The following THSD7B variants were observed in gnomAD, a reference collection of about 807,000 sequenced individuals.
THSD7B encodes the protein thrombospondin type 1 domain containing 7B.
In THSD7B, 138 loss-of-function variants were observed where a neutral mutation model predicts 213.6. The observed-to-expected ratio is 0.65, with a 90% CI of 0.56 to 0.74. The LOEUF is 0.74. Among genes scored for constraint, THSD7B ranks in the 30% least tolerant of loss-of-function variants. The pLI is 0.00. For missense variants in THSD7B, 1,931 were observed against 1,991.5 expected (o/e 0.97, Z 0.58); for synonymous variants, 742 against 687.0 (o/e 1.08, Z -1.25).
chr2:136,828,740 G>C (rs998965761), intron 1 of THSD7B, among the ~76,000 whole-genome samples: 1 of 152,302 alleles, frequency 6.6e-6, no homozygotes, highest in East Asian at 1.9e-4. Flanking sequence ...TGCCTCGTTT[G>C]TTTCACCTGG....
intron 2 of THSD7B, among the ~76,000 whole-genome samples, chr2:136,946,386 G>A (rs991386312): frequency 6.6e-6 from 1 of 152,138 alleles, no homozygotes; most frequent in African/African-American, 2.4e-5. Context: ...CCTGTATGAC[G>A]TGTCAGTCAG....
intron 3 of THSD7B, among the ~76,000 whole-genome samples, chr2:137,088,278 G>T (rs1687881465): frequency 6.6e-6 from 1 of 151,324 alleles, no homozygotes; most frequent in African/African-American, 2.4e-5. Context: ...TTTAAAAAAA[G>T]GTGCATAGAC....
At chr2:136,897,363 T>C (rs896822075) in intron 2 of THSD7B, among the ~76,000 whole-genome samples, 5 of 152,128 alleles carry the variant, frequency 3.3e-5, no homozygotes, top group East Asian at 1.9e-4. Flanking sequence ...GGTGGGCTCG[T>C]GGTCTCGCTG....
intron 6 of THSD7B, 106 bp from the exon 7 acceptor site, chr2:137,170,635 A>G: frequency 2.9e-6 from 3 of 1,019,140 alleles, no homozygotes; most frequent in Non-Finnish European, 4.2e-6. Flanking sequence ...ACGTGCTTAG[A>G]GCGATGAGTA....
chr2:137,587,669 A>G (rs1681767817), intron 17 of THSD7B, among the ~76,000 whole-genome samples: 1 of 152,204 alleles, frequency 6.6e-6, no homozygotes, highest in African/African-American at 2.4e-5. Context: ...TGAACAGCAA[A>G]TGTTGCTGTC....
chr2:137,633,466 C>A (rs771675982), intron 20 of THSD7B, among the ~76,000 whole-genome samples: 1 of 152,128 alleles, frequency 6.6e-6, no homozygotes, highest in Non-Finnish European at 1.5e-5. Context: ...AATTCTCAAA[C>A]TAGTTTGAGT....
chr2:137,616,006 G>T (rs1682378936), intron 17 of THSD7B, among the ~76,000 whole-genome samples, 169 bp from the exon 18 acceptor site: 2 of 152,076 alleles, frequency 1.3e-5, no homozygotes, highest in South Asian at 4.1e-4. Context: ...TGGAGAAAAA[G>T]AATTTATAAT....
At chr2:137,570,925 A>G (rs1021582028) in intron 16 of THSD7B, among the ~76,000 whole-genome samples, 2 of 152,232 alleles carry the variant, frequency 1.3e-5, no homozygotes, top group Admixed American at 6.5e-5. Flanking sequence ...ATTTTCACAT[A>G]GAAAGTCTTT....
chr2:136,900,958 A>T (rs961861744), intron 2 of THSD7B, among the ~76,000 whole-genome samples: 3 of 152,192 alleles, frequency 2.0e-5, no homozygotes, highest in Non-Finnish European at 4.4e-5. Context: ...TCTCTTATAT[A>T]CAAATCTCTA....
At chr2:137,531,164 G>T (rs1050917111) in intron 15 of THSD7B, among the ~76,000 whole-genome samples, 1 of 151,956 alleles carries the variant, frequency 6.6e-6, no homozygotes, top group Non-Finnish European at 1.5e-5. Context: ...AGCAGTAAAA[G>T]TTGGCCTTGT....
rs557055084 is a variant in THSD7B, at chr2:136,873,587, A to C, written c.-35-8557A>C. ...TTCAGAAATATGGCACAAAGTCACA[A>C]GATTGGAAAGTTGAAAAATCATCTT... is the stretch of plus-strand genomic sequence containing the variant. On this transcript the variant is annotated intron_variant, in intron 1 of 27. Coordinates refer to ENST00000409968, the MANE Select transcript of THSD7B (RefSeq NM_001316349.2). Among the ~76,000 whole-genome samples, 59 of 152,344 alleles carry C rather than the reference A, an allele frequency of 3.9e-4. 2 individuals are homozygous for C. The highest frequency in any genetic ancestry group is 6.2e-4 in the South Asian group (3 of 4,832).
intron 20 of THSD7B, among the ~76,000 whole-genome samples, chr2:137,621,045 A>C (rs1329374091): frequency 6.6e-6 from 1 of 152,178 alleles, no homozygotes; most frequent in Non-Finnish European, 1.5e-5. Context: ...GTAGTATGTA[A>C]AGCTGTCTAC....
rs114432662 is a variant in THSD7B at position 137,614,298 on chromosome 2, C to T, written c.3424-1877C>T. Among the ~76,000 whole-genome samples, 593 of 152,234 alleles carry T rather than the reference C, an allele frequency of 3.9e-3. 5 individuals are homozygous for T. Among genetic ancestry groups the T allele is most frequent in the African/African-American group, 0.014 (570 of 41,540 alleles). On this transcript the variant is annotated intron_variant, in intron 17 of 27. Coordinates refer to ENST00000409968, the MANE Select transcript of THSD7B (RefSeq NM_001316349.2). Reference sequence around the variant, plus strand: ...TCATCCCATCCCCATTCTTCTTTCTCATCTAGGTTTAGATGCGGAACTAAG... The same window carrying T: ...TCATCCCATCCCCATTCTTCTTTCTTATCTAGGTTTAGATGCGGAACTAAG...
intron 15 of THSD7B, among the ~76,000 whole-genome samples, chr2:137,466,415 C>T (rs957561887): frequency 6.6e-6 from 1 of 152,138 alleles, no homozygotes; most frequent in African/African-American, 2.4e-5. Flanking sequence ...CATGGCCTGC[C>T]TGTGGCCCAG....
At chr2:136,811,219 A>C (rs1682369598) in intron 1 of THSD7B, among the ~76,000 whole-genome samples, 1 of 152,162 alleles carries the variant, frequency 6.6e-6, no homozygotes. Context: ...CTTCTGGACT[A>C]GATGCCTATC....
At chr2:136,924,964 G>A (rs1684498411) in intron 2 of THSD7B, among the ~76,000 whole-genome samples, 1 of 151,870 alleles carries the variant, frequency 6.6e-6, no homozygotes, top group South Asian at 2.1e-4. Flanking sequence ...TTTCATTTTT[G>A]AATTGACCAT....
intron 15 of THSD7B, among the ~76,000 whole-genome samples, chr2:137,560,736 T>C (rs1681096708): frequency 6.6e-6 from 1 of 151,764 alleles, no homozygotes; most frequent in Non-Finnish European, 1.5e-5. Context: ...TATAAAGAAA[T>C]GCTAAAAGAT....
intron 2 of THSD7B, among the ~76,000 whole-genome samples, chr2:136,894,045 C>T (rs1274786787): frequency 6.6e-6 from 1 of 152,078 alleles, no homozygotes; most frequent in Non-Finnish European, 1.5e-5. Context: ...TCATTTTCCC[C>T]CAAAAGTGTA....
At position 137,433,510 on chromosome 2, in the gene THSD7B, T is replaced by G. The variant is rs563143063; in HGVS notation, c.2960-17335T>G. 2.0e-5 allele frequency among the ~76,000 whole-genome samples: 3 copies of G among 151,932 alleles called. No individual in the cohort carries two copies. In the East Asian group the frequency reaches 5.8e-4, roughly 30 times the overall value. ...TAGCTGGGATTACAGGCAGGCACCA[T>G]CCCTGGCTAATTTTTGTATATTTTG... On this transcript the variant is annotated intron_variant, in intron 14 of 27. Coordinates refer to ENST00000409968, the MANE Select transcript of THSD7B (RefSeq NM_001316349.2).
Sources: gnomAD v4.1 joint callset for allele counts (sites outside exome capture counted in the v4.1 genomes callset) on GRCh38, gnomAD v4.1.1 for gene constraint, MANE v1.5 for transcripts, NCBI Gene and HGNC (gene_info 2026-07-23, HGNC 2026-07-21) for gene names.